The following KCNH7 variants were observed in gnomAD, a reference collection of about 807,000 sequenced individuals.
The protein encoded by KCNH7 is voltage-gated inwardly rectifying potassium channel KCNH7.
Under a neutral mutation model 120.8 loss-of-function variants are expected in KCNH7, and 49 were observed. The ratio of observed to expected loss-of-function variants is 0.41; its 90% CI spans 0.32 to 0.51. The LOEUF (loss-of-function observed/expected upper bound fraction) is 0.51, where lower values mean the gene tolerates loss of function less well. KCNH7 is among the 20% of genes least tolerant of loss of function. The probability of loss-of-function intolerance (pLI) is 0.38; values close to 1 mark genes in which losing one functional copy is unlikely to be tolerated. For synonymous variants in KCNH7, 547 were observed against 516.1 expected (o/e 1.06, Z -0.81); for missense variants, 1,097 against 1,446.6 (o/e 0.76, Z 3.92).
At chr2:162,696,492 G>A (rs1686294274) in intron 2 of KCNH7, among the ~76,000 whole-genome samples, 1 of 152,128 alleles carries the variant, frequency 6.6e-6, no homozygotes, top group African/African-American at 2.4e-5. Context: ...GTCCTGATAT[G>A]AATTGGGTAG....
intron 2 of KCNH7, among the ~76,000 whole-genome samples, chr2:162,830,377 C>T (rs904983743): frequency 1.3e-5 from 2 of 152,110 alleles, no homozygotes; most frequent in Non-Finnish European, 2.9e-5. Context: ...ATATATTCAA[C>T]TAATTGATAT....
At chr2:162,592,921 T>C (rs1694258178) in intron 2 of KCNH7, among the ~76,000 whole-genome samples, 1 of 152,066 alleles carries the variant, frequency 6.6e-6, no homozygotes, top group Admixed American at 6.6e-5. Flanking sequence ...AATGAATGAG[T>C]ATCTGCAGCC....
At chr2:162,730,721 T>C (rs887594890) in intron 2 of KCNH7, among the ~76,000 whole-genome samples, 24 of 151,952 alleles carry the variant, frequency 1.6e-4, no homozygotes, top group Admixed American at 8.5e-4. Flanking sequence ...ATTCACCTAA[T>C]CATTCTAGTA....
At chr2:162,759,341 ATGGTATCAT>A (rs1209061442) in intron 2 of KCNH7, among the ~76,000 whole-genome samples, 1 of 152,060 alleles carries the variant, frequency 6.6e-6, no homozygotes, top group African/African-American at 2.4e-5. Context: ...TAATAGCTGC[ATGGTATCAT>A]TGGAGTCTGG....
At chr2:162,568,362 C>T (rs777974863) in intron 2 of KCNH7, among the ~76,000 whole-genome samples, 3 of 151,928 alleles carry the variant, frequency 2.0e-5, no homozygotes, top group South Asian at 2.1e-4. Context: ...AATGTAAGAG[C>T]GACACCATAC....
intron 2 of KCNH7, among the ~76,000 whole-genome samples, chr2:162,603,621 C>A (rs1004144365): frequency 2.6e-5 from 4 of 152,090 alleles, no homozygotes; most frequent in African/African-American, 9.7e-5. Flanking sequence ...ATGGGAGGAT[C>A]ACTTGAGCCC....
At chr2:162,537,767 C>T (rs890089161) in intron 2 of KCNH7, among the ~76,000 whole-genome samples, 1 of 152,034 alleles carries the variant, frequency 6.6e-6, no homozygotes, top group African/African-American at 2.4e-5. Flanking sequence ...GGCTAGTAAG[C>T]TATATTTCAT....
At chr2:162,602,117 T>G (rs537437038) in intron 2 of KCNH7, among the ~76,000 whole-genome samples, 1 of 152,158 alleles carries the variant, frequency 6.6e-6, no homozygotes, top group South Asian at 2.1e-4. Context: ...AAATGCAATT[T>G]CATTCTGTTT....
intron 2 of KCNH7, among the ~76,000 whole-genome samples, chr2:162,694,333 G>A (rs1320641778): frequency 2.0e-5 from 3 of 152,110 alleles, no homozygotes; most frequent in East Asian, 1.9e-4. Context: ...CTTTAACTCC[G>A]AACTCAGACT....
intron 2 of KCNH7, among the ~76,000 whole-genome samples, chr2:162,707,526 T>C (rs910516241): frequency 6.6e-6 from 1 of 152,130 alleles, no homozygotes; most frequent in Non-Finnish European, 1.5e-5. Context: ...AATTTAATTA[T>C]GTTAAAGAAA....
At chr2:162,518,281 T>C in intron 3 of KCNH7, 123 bp from the exon 4 acceptor site, 1 of 727,546 alleles carries the variant, frequency 1.4e-6, no homozygotes, top group Admixed American at 2.9e-5. Flanking sequence ...ATGGTTATAG[T>C]TGGAATAGAG....
chr2:162,772,397 T>C (rs1383354969), intron 2 of KCNH7, among the ~76,000 whole-genome samples: 2 of 152,226 alleles, frequency 1.3e-5, no homozygotes, highest in Non-Finnish European at 2.9e-5. Context: ...TTCAGGTTCT[T>C]GTATCCAAAT....
chr2:162,446,947 T>C (rs1278109013), intron 6 of KCNH7, among the ~76,000 whole-genome samples: 2 of 152,112 alleles, frequency 1.3e-5, no homozygotes, highest in Non-Finnish European at 2.9e-5. Flanking sequence ...AAATTTTAAT[T>C]AAGCAGAATT....
intron 6 of KCNH7, among the ~76,000 whole-genome samples, chr2:162,459,279 C>T (rs1244028112): frequency 8.6e-5 from 13 of 151,992 alleles, no homozygotes; most frequent in Non-Finnish European, 1.8e-4. Flanking sequence ...GTAAGCATCT[C>T]AAATTCCTGA....
intron 9 of KCNH7, among the ~76,000 whole-genome samples, chr2:162,417,736 A>G (rs1687582395): frequency 6.6e-6 from 1 of 152,166 alleles, no homozygotes; most frequent in Non-Finnish European, 1.5e-5. Context: ...CCAACTGTAA[A>G]TAAGTCCTCC....
At position 162,723,813 on chromosome 2, in the gene KCNH7, C is replaced by A. The variant is rs545686196; in HGVS notation, c.307+112724G>T. On this transcript the variant is annotated intron_variant, in intron 2 of 15. Transcript: ENST00000332142. Reference sequence around the variant, plus strand: ...GTGAGGAATTCTTTTAAAAAGTATACAGTATATAAAAGCACATTAATACCT... The same window carrying A: ...GTGAGGAATTCTTTTAAAAAGTATAAAGTATATAAAAGCACATTAATACCT... 4.6e-5 allele frequency among the ~76,000 whole-genome samples: 7 copies of A among 152,158 alleles called. No homozygotes were observed. The South Asian group carries it at 8.3e-4, about 18-fold the overall frequency.
At chr2:162,631,310 A>G (rs550633753) in intron 2 of KCNH7, among the ~76,000 whole-genome samples, 23 of 152,176 alleles carry the variant, frequency 1.5e-4, no homozygotes, top group Admixed American at 1.2e-3. Flanking sequence ...TTGTTTCTGT[A>G]CATTGAGGCA....
At chr2:162,592,437 T>C (rs966906059) in intron 2 of KCNH7, among the ~76,000 whole-genome samples, 1 of 152,036 alleles carries the variant, frequency 6.6e-6, no homozygotes, top group Non-Finnish European at 1.5e-5. Flanking sequence ...GCACACTTAT[T>C]TTATGAGGGC....
chr2:162,655,333 TTAAAGA>T (rs1684712255), intron 2 of KCNH7, among the ~76,000 whole-genome samples: 1 of 152,200 alleles, frequency 6.6e-6, no homozygotes, highest in South Asian at 2.1e-4. Context: ...ATAAATATTT[TTAAAGA>T]TATTGATGAA....
Sources: allele counts gnomAD v4.1 joint callset (sites outside exome capture counted in the v4.1 genomes callset), GRCh38; gene constraint gnomAD v4.1.1; transcripts MANE v1.5; gene names NCBI Gene and HGNC (gene_info 2026-07-23, HGNC 2026-07-21).